Variants in EIF2AK4 observed in about 807,000 individuals in gnomAD.
EIF2AK4 encodes the protein eIF-2-alpha kinase GCN2.
Under a neutral mutation model 211.1 loss-of-function variants are expected in EIF2AK4, and 139 were observed. The observed-to-expected ratio is 0.66, with a 90% confidence interval of 0.57 to 0.76. The LOEUF (loss-of-function observed/expected upper bound fraction) is 0.76. Among genes scored for constraint, EIF2AK4 ranks in the 30% least tolerant of loss-of-function variants. The pLI, the probability that EIF2AK4 is intolerant of heterozygous loss-of-function variation, is 0.00. For synonymous variants in EIF2AK4, 710 were observed against 751.3 expected (o/e 0.94, Z 0.90); for missense variants, 1,664 against 2,043.8 (o/e 0.81, Z 3.58).
chr15:39,942,525 C>T (rs2034159512), intron 2 of EIF2AK4, among the ~76,000 whole-genome samples: 1 of 152,148 alleles, frequency 6.6e-6, no homozygotes, highest in African/African-American at 2.4e-5. Context: ...GGTTAAATGC[C>T]ATGAATTACT....
Position 39,976,729 on chromosome 15 carries a change from A to T in EIF2AK4, c.2134A>T (p.Ser712Cys). 2 of 1,602,350 alleles carry T rather than the reference A, an allele frequency of 1.2e-6. No homozygotes were observed. The highest frequency in any genetic ancestry group is 1.7e-5 in the Admixed American group (1 of 59,254). ...CATCCTCAGCAGCTCGGTGGAGTGG[A>T]GCACTTCGGGCGAGCGCTCGGCCAG... ...PPILSSSVEW[S>C]TSGERSASAR... The change falls in exon 12 of 39, where the codon AGC becomes TGC. Residue 712 changes from serine (S) to cysteine (C), a missense_variant. Around this residue, in one of 7 missense-constraint regions of EIF2AK4, gnomAD observed 206 missense variants for 201.9 expected, o/e 1.02. Transcript: ENST00000263791.
At chr15:39,944,432 C>CTCTTTTTT (rs71426358) in intron 3 of EIF2AK4, among the ~76,000 whole-genome samples, 1 of 121,198 alleles carries the variant, frequency 8.3e-6, no homozygotes, top group African/African-American at 3.4e-5. Flanking sequence ...TTAACGATCT[C>CTCTTTTTT]TTTTTTTTTT....
At chr15:40,028,453 T>C (rs972008287) in intron 33 of EIF2AK4, among the ~76,000 whole-genome samples, 1 of 152,168 alleles carries the variant, frequency 6.6e-6, no homozygotes, top group Non-Finnish European at 1.5e-5. Flanking sequence ...TATGGAGACA[T>C]TTTTGGTTGT....
At chr15:40,003,720 G>T (rs2035123323) in intron 23 of EIF2AK4, among the ~76,000 whole-genome samples, 2 of 152,194 alleles carry the variant, frequency 1.3e-5, no homozygotes, top group Non-Finnish European at 2.9e-5. Flanking sequence ...TCTTCTAACA[G>T]CAAGTGTCTC....
At chr15:40,034,234 G>A (rs1475830397) in intron 37 of EIF2AK4, 92 bp from the exon 38 acceptor site, 17 of 928,300 alleles carry the variant, frequency 1.8e-5, no homozygotes, top group Non-Finnish European at 2.9e-5. Context: ...CTTGAAGAGG[G>A]AAATGACACT....
At chr15:39,994,227 T>TAAATTTG (rs1234240435) in intron 18 of EIF2AK4, among the ~76,000 whole-genome samples, 1 of 152,196 alleles carries the variant, frequency 6.6e-6, no homozygotes, top group Non-Finnish European at 1.5e-5. Flanking sequence ...ATCAGAAGGA[T>TAAATTTG]AAATTTGAAA....
At position 39,967,515 on chromosome 15, in the gene EIF2AK4, A is replaced by C; in HGVS notation, c.1189A>C (p.Ile397Leu). The change falls in exon 9 of 39, where the codon ATC becomes CTC. Residue 397 changes from isoleucine (I) to leucine (L), a missense_variant. Around this residue, in one of 7 missense-constraint regions of EIF2AK4, gnomAD observed 641 missense variants for 729.6 expected, o/e 0.88. Transcript: ENST00000263791. ...TGCACACCTGAGCCACTCAGGCCCCATCCCTGTGCATCAGCTTCGCAGGTA... is the reference window on the plus strand; with the variant it reads ...TGCACACCTGAGCCACTCAGGCCCCCTCCCTGTGCATCAGCTTCGCAGGTA... Reference protein sequence around the residue: ...LAAHLSHSGPIPVHQLRRYTA... With the variant: ...LAAHLSHSGPLPVHQLRRYTA... 1 of 1,613,872 alleles carries C rather than the reference A, an allele frequency of 6.2e-7. No individual in the cohort carries two copies. The highest frequency in any genetic ancestry group is 8.5e-7 in the Non-Finnish European group (1 of 1,179,980).
intron 37 of EIF2AK4, 99 bp from the exon 38 acceptor site, chr15:40,034,227 G>A (rs1595442392): frequency 1.1e-6 from 1 of 874,968 alleles, no homozygotes; most frequent in African/African-American, 1.7e-5. Context: ...TGGTATACTT[G>A]AAGAGGGAAA....
rs1595421977 is a variant in EIF2AK4, at chr15:40,002,621, A to G, written c.3160-92A>G. 6.9e-6 allele frequency: 9 copies of G among 1,296,766 alleles called. No individual in the cohort carries two copies. The East Asian group carries it at 1.6e-4, about 23-fold the overall frequency. The allele number at this position is 1,296,766 out of a possible 1,614,324, so 80.3% of individuals were successfully genotyped here. On this transcript the variant is annotated intron_variant, in intron 21 of 38. Coordinates refer to ENST00000263791, the MANE Select transcript of EIF2AK4 (RefSeq NM_001013703.4). ...TTGTTTTTTGAACCTGGAAATAAGC[A>G]GTGTAGTGCCTACTGCAAGCCACAG...
At chr15:40,030,328 G>C in intron 34 of EIF2AK4, 31 bp from the exon 35 acceptor site, 1 of 1,604,320 alleles carries the variant, frequency 6.2e-7, no homozygotes, top group Non-Finnish European at 8.5e-7. Flanking sequence ...ACCAGATAAG[G>C]CCATAAATTC....
At chr15:39,941,356 G>A (rs2034142028) in intron 2 of EIF2AK4, among the ~76,000 whole-genome samples, 1 of 152,056 alleles carries the variant, frequency 6.6e-6, no homozygotes, top group Admixed American at 6.6e-5. Context: ...TCCCTCATGA[G>A]TACTAACTCC....
At chr15:40,009,823 C>T in intron 26 of EIF2AK4, 93 bp downstream of exon 26, 1 of 920,224 alleles carries the variant, frequency 1.1e-6, no homozygotes, top group Non-Finnish European at 1.7e-6. Flanking sequence ...ACCCATGCAG[C>T]CATGAAACTG....
chr15:39,939,092 C>T (rs1399628762), intron 1 of EIF2AK4, among the ~76,000 whole-genome samples: 1 of 152,236 alleles, frequency 6.6e-6, no homozygotes, highest in Non-Finnish European at 1.5e-5. Flanking sequence ...TCGCCCACCA[C>T]TATGTCCCTC....
intron 36 of EIF2AK4, 85 bp from the exon 37 acceptor site, chr15:40,032,672 C>A: frequency 7.8e-7 from 1 of 1,277,824 alleles, no homozygotes; most frequent in Non-Finnish European, 1.1e-6. Context: ...AAACCCTATT[C>A]ATACTGCTGC....
At chr15:39,999,245 C>A (rs2035061817) in intron 20 of EIF2AK4, among the ~76,000 whole-genome samples, 1 of 152,074 alleles carries the variant, frequency 6.6e-6, no homozygotes, top group South Asian at 2.1e-4. Flanking sequence ...AAAATAAATT[C>A]TCCTATATAC....
At position 39,973,579 on chromosome 15, in the gene EIF2AK4, T is replaced by C; in HGVS notation, c.1661-13T>C. ...AATGCCTCATGTGCCTCTTACTCCC[T>C]GTTTTATCTCAGATTCTGAAGGACA... On this transcript the variant is annotated splice_polypyrimidine_tract_variant and intron_variant, in intron 10 of 38. Coordinates refer to ENST00000263791, the MANE Select transcript of EIF2AK4 (RefSeq NM_001013703.4). 1 of 1,605,496 alleles carries C rather than the reference T, an allele frequency of 6.2e-7. No homozygotes were observed. Among genetic ancestry groups the C allele is most frequent in the South Asian group, 1.1e-5 (1 of 89,488 alleles).
At chr15:39,987,019 A>T (rs1019037575) in intron 14 of EIF2AK4, among the ~76,000 whole-genome samples, 1 of 152,234 alleles carries the variant, frequency 6.6e-6, no homozygotes, top group African/African-American at 2.4e-5. Flanking sequence ...TCGACAAGTT[A>T]CAGCATTTTG....
At chr15:40,003,911 A>C (rs867437415) in intron 23 of EIF2AK4, among the ~76,000 whole-genome samples, 2 of 152,238 alleles carry the variant, frequency 1.3e-5, no homozygotes, top group Non-Finnish European at 2.9e-5. Context: ...ACAAGGTTTA[A>C]TACCTCTCAC....
At chr15:39,987,437 A>T (rs1447776342) in intron 14 of EIF2AK4, among the ~76,000 whole-genome samples, 1 of 152,226 alleles carries the variant, frequency 6.6e-6, no homozygotes, top group Non-Finnish European at 1.5e-5. Context: ...GTGCATGTTG[A>T]TTTAAGATTT....
Sources: gnomAD v4.1 joint callset for allele counts (sites outside exome capture counted in the v4.1 genomes callset) on GRCh38, gnomAD v4.1.1 for gene constraint, gnomAD v4.1.1 regional missense constraint, MANE v1.5 for transcripts, NCBI Gene and HGNC (gene_info 2026-07-23, HGNC 2026-07-21) for gene names.